CNTNAP2: variants seen among roughly 807,000 people sequenced by gnomAD.
CNTNAP2 encodes the protein contactin-associated protein-like 2.
In CNTNAP2, 98 loss-of-function variants were observed where a neutral mutation model predicts 155.2. That is an observed-to-expected ratio of 0.63 (90% CI 0.54 to 0.75). The LOEUF (loss-of-function observed/expected upper bound fraction) is 0.75. Among genes scored for constraint, CNTNAP2 ranks in the 30% least tolerant of loss-of-function variants. The pLI, the probability that CNTNAP2 is intolerant of heterozygous loss-of-function variation, is 0.00. For missense variants in CNTNAP2, 1,727 were observed against 1,688.1 expected (o/e 1.02, Z -0.40); for synonymous variants, 651 against 631.2 (o/e 1.03, Z -0.47).
At chr7:146,531,742 A>G (rs999078589) in intron 1 of CNTNAP2, among the ~76,000 whole-genome samples, 2 of 151,940 alleles carry the variant, frequency 1.3e-5, no homozygotes, top group South Asian at 2.1e-4. Flanking sequence ...ACAGGTTTTC[A>G]CCATGTTGGC....
At chr7:147,837,670 G>A (rs1314203523) in intron 13 of CNTNAP2, among the ~76,000 whole-genome samples, 1 of 152,206 alleles carries the variant, frequency 6.6e-6, no homozygotes, top group African/African-American at 2.4e-5. Flanking sequence ...CAATGAGGGT[G>A]CAGGCATTAG....
chr7:146,235,793 A>G (rs1379219636), intron 1 of CNTNAP2, among the ~76,000 whole-genome samples: 2 of 152,116 alleles, frequency 1.3e-5, no homozygotes, highest in Non-Finnish European at 2.9e-5. Context: ...TTCTGCTGTA[A>G]GTGGCCCAAG....
chr7:147,181,396 T>C (rs1455686996), intron 8 of CNTNAP2, among the ~76,000 whole-genome samples: 1 of 152,264 alleles, frequency 6.6e-6, no homozygotes, highest in Non-Finnish European at 1.5e-5. Flanking sequence ...CATTTTCTCA[T>C]GTCTAAAACT....
chr7:148,229,951 G>A (rs904916740), intron 20 of CNTNAP2, among the ~76,000 whole-genome samples, 172 bp downstream of exon 20: 6 of 152,110 alleles, frequency 3.9e-5, no homozygotes, highest in African/African-American at 1.2e-4. Context: ...ATTCTGACAA[G>A]GAAAGACAAT....
At chr7:148,111,277 C>G (rs1804344739) in intron 15 of CNTNAP2, among the ~76,000 whole-genome samples, 1 of 152,024 alleles carries the variant, frequency 6.6e-6, no homozygotes, top group African/African-American at 2.4e-5. Context: ...ACAGAGGCGA[C>G]AGAGAAAGCA....
intron 4 of CNTNAP2, among the ~76,000 whole-genome samples, chr7:147,060,335 T>A (rs1799639443): frequency 6.6e-6 from 1 of 152,218 alleles, no homozygotes; most frequent in Non-Finnish European, 1.5e-5. Flanking sequence ...GCAATTTTAA[T>A]GGCAACAACA....
chr7:146,972,621 G>A (rs1046852364), intron 3 of CNTNAP2, among the ~76,000 whole-genome samples: 1 of 152,092 alleles, frequency 6.6e-6, no homozygotes, highest in Non-Finnish European at 1.5e-5. Flanking sequence ...TTAACACTGC[G>A]TCTGCCTTTG....
At chr7:147,639,625 T>A (rs990952213) in intron 13 of CNTNAP2, among the ~76,000 whole-genome samples, 1 of 152,232 alleles carries the variant, frequency 6.6e-6, no homozygotes, top group Non-Finnish European at 1.5e-5. Flanking sequence ...ATTCAAGCAA[T>A]TCCCTTTGAG....
intron 6 of CNTNAP2, among the ~76,000 whole-genome samples, chr7:147,128,058 C>T (rs1801276630): frequency 6.6e-6 from 1 of 152,070 alleles, no homozygotes; most frequent in Non-Finnish European, 1.5e-5. Context: ...TGTCTTATTT[C>T]TTAAGATTTA....
intron 1 of CNTNAP2, among the ~76,000 whole-genome samples, chr7:146,118,909 A>C (rs1026106893): frequency 6.6e-6 from 1 of 152,120 alleles, no homozygotes; most frequent in Non-Finnish European, 1.5e-5. Flanking sequence ...TTTGAATTTA[A>C]ACTGTGTGAC....
At chr7:146,807,100 T>A (rs1205694550) in intron 2 of CNTNAP2, among the ~76,000 whole-genome samples, 1 of 152,206 alleles carries the variant, frequency 6.6e-6, no homozygotes, top group Non-Finnish European at 1.5e-5. Flanking sequence ...ATTTTATAGC[T>A]ATTAAAATTA....
At chr7:147,629,074 A>G (rs1181676587) in intron 12 of CNTNAP2, among the ~76,000 whole-genome samples, 2 of 152,054 alleles carry the variant, frequency 1.3e-5, no homozygotes, top group Non-Finnish European at 2.9e-5. Context: ...TGACAGCACT[A>G]GATAGTTCAT....
chr7:148,185,338 A>G (rs1268075105), intron 18 of CNTNAP2, among the ~76,000 whole-genome samples: 1 of 152,202 alleles, frequency 6.6e-6, no homozygotes, highest in Non-Finnish European at 1.5e-5. Context: ...CAGCAAACAC[A>G]CTTGAGATTA....
At chr7:148,305,460 G>A (rs1481370201) in intron 21 of CNTNAP2, among the ~76,000 whole-genome samples, 1 of 152,106 alleles carries the variant, frequency 6.6e-6, no homozygotes, top group Non-Finnish European at 1.5e-5. Context: ...GGCTGGATAG[G>A]CCTTGGGCAT....
At chr7:148,039,160 G>C (rs545062855) in intron 15 of CNTNAP2, among the ~76,000 whole-genome samples, 33 of 152,254 alleles carry the variant, frequency 2.2e-4, no homozygotes, top group Admixed American at 2.0e-3. Flanking sequence ...CCTCAGAACC[G>C]GGAAAATTAT....
intron 1 of CNTNAP2, among the ~76,000 whole-genome samples, chr7:146,262,170 T>A (rs2129081697): frequency 6.6e-6 from 1 of 152,298 alleles, no homozygotes; most frequent in African/African-American, 2.4e-5. Context: ...CCAGTCATGA[T>A]AAACTCAAAC....
intron 1 of CNTNAP2, among the ~76,000 whole-genome samples, chr7:146,729,288 G>A (rs989089131): frequency 6.6e-6 from 1 of 152,086 alleles, no homozygotes; most frequent in Non-Finnish European, 1.5e-5. Context: ...AATTAAAATA[G>A]AGGCATGATC....
chr7:147,635,082 C>T (rs935805728), intron 12 of CNTNAP2, among the ~76,000 whole-genome samples: 3 of 151,914 alleles, frequency 2.0e-5, no homozygotes, highest in Non-Finnish European at 2.9e-5. Context: ...TCAGTGAAGC[C>T]TTTTGCAGCT....
At chr7:146,127,050 T>C (rs950169927) in intron 1 of CNTNAP2, among the ~76,000 whole-genome samples, 1 of 152,190 alleles carries the variant, frequency 6.6e-6, no homozygotes. Flanking sequence ...TCTCTAGTTC[T>C]TCCCTGTCTC....
Sources: gnomAD v4.1 joint callset for allele counts (sites outside exome capture counted in the v4.1 genomes callset) on GRCh38, gnomAD v4.1.1 for gene constraint, MANE v1.5 for transcripts, NCBI Gene and HGNC (gene_info 2026-07-23, HGNC 2026-07-21) for gene names.